FRMPD2: variants seen among roughly 807,000 people sequenced by gnomAD.
FRMPD2 encodes the protein FERM and PDZ domain-containing protein 2.
Under a neutral mutation model 140.1 loss-of-function variants are expected in FRMPD2, and 96 were observed. That is an observed-to-expected ratio of 0.69 (90% CI 0.58 to 0.81). FRMPD2 has a LOEUF of 0.81. FRMPD2 is among the 40% of genes least tolerant of loss of function. The pLI, the probability that FRMPD2 is intolerant of heterozygous loss-of-function variation, is 0.00. For missense variants in FRMPD2, 1,240 were observed against 1,447.4 expected (o/e 0.86, Z 2.32); for synonymous variants, 449 against 547.6 (o/e 0.82, Z 2.52).
intron 5 of FRMPD2, 132 bp downstream of exon 5, chr10:48,242,029 G>A: frequency 1.5e-6 from 1 of 648,336 alleles, no homozygotes. Flanking sequence ...CGGAGCACTT[G>A]AAATGTGACA....
intron 10 of FRMPD2, among the ~76,000 whole-genome samples, chr10:48,230,440 C>T (rs1405736507): frequency 1.3e-5 from 2 of 152,182 alleles, no homozygotes; most frequent in African/African-American, 4.8e-5. Context: ...GCCTCCTAGC[C>T]TTGAGAGACT....
intron 15 of FRMPD2, among the ~76,000 whole-genome samples, chr10:48,200,365 G>A (rs1428384461): frequency 6.6e-6 from 1 of 152,060 alleles, no homozygotes; most frequent in South Asian, 2.1e-4. Flanking sequence ...CAACTAGTCA[G>A]AACTGCACCG....
At chr10:48,258,345 G>A (rs2095612753) in intron 1 of FRMPD2, among the ~76,000 whole-genome samples, 1 of 152,240 alleles carries the variant, frequency 6.6e-6, no homozygotes, top group Non-Finnish European at 1.5e-5. Context: ...CCTTGAGTGA[G>A]TGAGTGATGC....
intron 10 of FRMPD2, among the ~76,000 whole-genome samples, chr10:48,227,253 T>C (rs1293428440): frequency 6.6e-6 from 1 of 152,230 alleles, no homozygotes; most frequent in African/African-American, 2.4e-5. Context: ...ATCTCTGTCT[T>C]CTGTGTGATT....
At chr10:48,193,843 C>G (rs945436549) in intron 15 of FRMPD2, among the ~76,000 whole-genome samples, 1 of 151,908 alleles carries the variant, frequency 6.6e-6, no homozygotes, top group Non-Finnish European at 1.5e-5. Flanking sequence ...TCAAACAGAC[C>G]CCCCTCTCTT....
At chr10:48,261,208 T>C (rs2131981323) in intron 1 of FRMPD2, among the ~76,000 whole-genome samples, 1 of 151,614 alleles carries the variant, frequency 6.6e-6, no homozygotes. Context: ...AAGGAGAAGG[T>C]GGAAAAGAAT....
At chr10:48,274,405 A>G in intron 1 of FRMPD2, 138 bp downstream of exon 1, 1 of 751,208 alleles carries the variant, frequency 1.3e-6, no homozygotes, top group South Asian at 1.7e-5. Flanking sequence ...ATAATACTCC[A>G]AATAATACCA....
At chr10:48,269,982 T>C (rs1840739501) in intron 1 of FRMPD2, among the ~76,000 whole-genome samples, 1 of 152,136 alleles carries the variant, frequency 6.6e-6, no homozygotes, top group African/African-American at 2.4e-5. Flanking sequence ...CCCACAGTGA[T>C]ATCTACAAAG....
intron 27 of FRMPD2, among the ~76,000 whole-genome samples, chr10:48,166,171 A>G (rs1838096893): frequency 8.5e-6 from 1 of 117,654 alleles, no homozygotes; most frequent in Non-Finnish European, 1.9e-5. Context: ...CAGGCTTTTT[A>G]CCTTCTTACC....
At position 48,242,269 on chromosome 10, in the gene FRMPD2, C is replaced by T. The variant is rs138271049; in HGVS notation, c.459G>A (p.Ser153=). The T allele has an allele frequency of 3.8e-5, 61 of 1,614,094 alleles. No individual in the cohort carries two copies. The Middle Eastern group carries it at 8.2e-4, about 22-fold the overall frequency. The part of the protein sequence containing the change: ...DQPHRRCTLQ[S]VLEACRVHEK... ...CATGAACCCGACAAGCTTCCAGAACCGACTGCAACGTGCACCGCCTGTGAG... is the reference window on the plus strand; with the variant it reads ...CATGAACCCGACAAGCTTCCAGAACTGACTGCAACGTGCACCGCCTGTGAG... The change falls in exon 5 of 29, where the codon TCG becomes TCA. Residue 153 remains serine (S), a synonymous_variant. Coordinates refer to ENST00000374201, the MANE Select transcript of FRMPD2 (RefSeq NM_001018071.4).
At chr10:48,182,322 T>TA (rs532858638) in intron 20 of FRMPD2, among the ~76,000 whole-genome samples, 3 of 152,154 alleles carry the variant, frequency 2.0e-5, no homozygotes, top group Non-Finnish European at 4.4e-5. Flanking sequence ...GGATGGGACT[T>TA]ACGATTGAAA....
At chr10:48,227,663 G>A (rs1343741487) in intron 10 of FRMPD2, among the ~76,000 whole-genome samples, 1 of 152,150 alleles carries the variant, frequency 6.6e-6, no homozygotes. Context: ...TATACCTTTG[G>A]ATATTTGGAC....
chr10:48,179,860 C>A (rs1360583964), intron 21 of FRMPD2, among the ~76,000 whole-genome samples: 3 of 152,180 alleles, frequency 2.0e-5, no homozygotes, highest in Non-Finnish European at 4.4e-5. Context: ...ATACACTCAG[C>A]CTGAGTAAGG....
chr10:48,239,342 T>A (rs1000641583), intron 7 of FRMPD2, among the ~76,000 whole-genome samples: 1 of 152,314 alleles, frequency 6.6e-6, no homozygotes, highest in South Asian at 2.1e-4. Flanking sequence ...TATTGAGGCA[T>A]GTTGTTGCTC....
At chr10:48,267,656 C>T (rs1027392921) in intron 1 of FRMPD2, among the ~76,000 whole-genome samples, 1 of 152,086 alleles carries the variant, frequency 6.6e-6, no homozygotes, top group African/African-American at 2.4e-5. Context: ...TCAAAATGGG[C>T]AAAGGACTCA....
Position 48,244,861 on chromosome 10 carries a change from A to T in FRMPD2, c.310-12T>A. ...GAATAGACATGCATCTGCCCAAAAG[A>T]AGAGTACATGATTAGATTTCAATCA... On this transcript the variant is annotated splice_polypyrimidine_tract_variant and intron_variant, in intron 3 of 28. Coordinates refer to ENST00000374201, the MANE Select transcript of FRMPD2 (RefSeq NM_001018071.4). 1 of 1,589,670 alleles carries T rather than the reference A, an allele frequency of 6.3e-7. No individual in the cohort carries two copies. The highest frequency in any genetic ancestry group is 8.6e-7 in the Non-Finnish European group (1 of 1,157,750).
At chr10:48,196,702 C>CT (rs1838960952) in intron 15 of FRMPD2, among the ~76,000 whole-genome samples, 1 of 152,130 alleles carries the variant, frequency 6.6e-6, no homozygotes, top group Non-Finnish European at 1.5e-5. Flanking sequence ...CATGTAATCG[C>CT]TGAAAAGGGT....
intron 1 of FRMPD2, among the ~76,000 whole-genome samples, chr10:48,259,384 T>G (rs1420669729): frequency 6.6e-6 from 1 of 152,212 alleles, no homozygotes; most frequent in African/African-American, 2.4e-5. Context: ...AGTGGAAGGC[T>G]GGGGTTTTGA....
At chr10:48,188,262 G>A (rs1019462302) in intron 16 of FRMPD2, among the ~76,000 whole-genome samples, 2 of 152,168 alleles carry the variant, frequency 1.3e-5, no homozygotes, top group African/African-American at 2.4e-5. Flanking sequence ...TGTACCCTTG[G>A]AGCTGTGACA....
Sources: gnomAD v4.1 joint callset for allele counts (sites outside exome capture counted in the v4.1 genomes callset) on GRCh38, gnomAD v4.1.1 for gene constraint, MANE v1.5 for transcripts, NCBI Gene and HGNC (gene_info 2026-07-23, HGNC 2026-07-21) for gene names.